The following POLR2M variants were observed in gnomAD, a reference collection of about 807,000 sequenced individuals.
The protein encoded by POLR2M is protein GRINL1A.
POLR2M carries 30 observed loss-of-function variants against 34.6 expected under a neutral mutation model. The ratio of observed to expected loss-of-function variants is 0.87; its 90% CI spans 0.65 to 1.18. The LOEUF is 1.18. POLR2M is among the 50% of genes most tolerant of loss of function. The pLI, the probability that POLR2M is intolerant of heterozygous loss-of-function variation, is 0.00. For missense variants in POLR2M, 432 were observed against 448.7 expected (o/e 0.96, Z 0.34); for synonymous variants, 150 against 166.7 (o/e 0.90, Z 0.77).
rs1470495976 is a variant in POLR2M, at chr15:57,715,943, T to C, written c.*1264T>C. ...CCCCCTCAAGCAAATGTGAAAAGTATACTGACCTAAGATTCTCATTAGTTT... is the reference window on the plus strand; with the variant it reads ...CCCCCTCAAGCAAATGTGAAAAGTACACTGACCTAAGATTCTCATTAGTTT... On this transcript the variant is annotated 3_prime_UTR_variant, in exon 4 of 4. Coordinates refer to ENST00000299638, the MANE Select transcript of POLR2M (RefSeq NM_015532.5). 1.3e-5 allele frequency: 2 copies of C among 152,418 alleles called. No individual in the cohort carries two copies. The highest frequency in any genetic ancestry group is 4.8e-5 in the African/African-American group (2 of 41,606). 9.4% of individuals were successfully genotyped at this position (152,418 alleles called of 1,614,324 possible). A position where few individuals can be genotyped will look rare whatever the true frequency, so the allele number is the denominator to read the frequency against.
At chr15:57,707,910 A>G (rs1393019598) in intron 1 of POLR2M, among the ~76,000 whole-genome samples, 1 of 152,236 alleles carries the variant, frequency 6.6e-6, no homozygotes, top group Non-Finnish European at 1.5e-5. Context: ...TGTAGTGTCA[A>G]AAAGAACAGA....
Position 57,712,053 on chromosome 15 carries a change from G to A in POLR2M, c.828G>A (p.Glu276=). 6.2e-7 allele frequency: 1 copy of A among 1,614,098 alleles called. No individual in the cohort carries two copies. Among genetic ancestry groups the A allele is most frequent in the Non-Finnish European group, 8.5e-7 (1 of 1,179,980 alleles). Residue 276 remains glutamate, a synonymous_variant, in exon 3 of 4, where the codon GAG becomes GAA. Coordinates refer to ENST00000299638, the MANE Select transcript of POLR2M (RefSeq NM_015532.5). ...GTGGGTCTCCTATTTCCTCAGAAGA[G>A]CGGCGGCGCAGGGATAAGCAGCATC... ...QKSGSPISSE[E]RRRRDKQHLD...
rs755299851 is a variant in POLR2M, at chr15:57,708,864, A to T, written c.264A>T (p.Ala88=). ...TAGACTGTAAGCTAAGGCAAAAAGC[A>T]ATTGCAGAAGTTGATGTGGGTACAG... ...VSLDCKLRQK[A]IAEVDVGTDK... The change falls in exon 2 of 4, where the codon GCA becomes GCT. Residue 88 remains alanine, a synonymous_variant. Transcript: ENST00000299638. The T allele has an allele frequency of 6.2e-7, 1 of 1,613,920 alleles. No homozygotes were observed. The highest frequency in any genetic ancestry group is 8.5e-7 in the Non-Finnish European group (1 of 1,179,898).
chr15:57,715,668 C>T lies in POLR2M; in HGVS notation c.*989C>T, dbSNP rs529750864. On this transcript the variant is annotated 3_prime_UTR_variant, in exon 4 of 4. Transcript: ENST00000299638. ...TATATAGACTGCAGAAGCTTCAGTC[C>T]CATATATAAACGTTCATGTCATTTT... is the stretch of plus-strand genomic sequence containing the variant. 8 of 152,072 alleles carry T rather than the reference C, an allele frequency of 5.3e-5. No individual in the cohort carries two copies. The East Asian group carries it at 9.7e-4, about 18-fold the overall frequency. The allele number at this position is 152,072 out of a possible 1,614,324, so 9.4% of individuals were successfully genotyped here.
chr15:57,711,953 G>C (rs1555470695), intron 2 of POLR2M, 31 bp from the exon 3 acceptor site: 1 of 1,611,602 alleles, frequency 6.2e-7, no homozygotes, highest in Admixed American at 1.7e-5. Context: ...AAAATAATCT[G>C]ATTGTATAAC....
intron 1 of POLR2M, among the ~76,000 whole-genome samples, chr15:57,708,309 A>T (rs535395125): frequency 6.6e-6 from 1 of 152,344 alleles, no homozygotes; most frequent in South Asian, 2.1e-4. Flanking sequence ...AGAAAATGAG[A>T]GGGAAATAAT....
chr15:57,706,827 C>T lies in POLR2M; in HGVS notation c.-16C>T, dbSNP rs1373304773. ...AGCCGAGTGCCCGCCGCCGCGCCAG[C>T]CTCAGCCCGCGCAGAATGTGCTCGC... On this transcript the variant is annotated 5_prime_UTR_variant, in exon 1 of 4. Transcript: ENST00000299638. The T allele has an allele frequency of 9.0e-6, 14 of 1,552,668 alleles. No homozygotes were observed. Among genetic ancestry groups the T allele is most frequent in the African/African-American group, 1.4e-5 (1 of 73,284 alleles).
In POLR2M at chr15:57,709,361, A is replaced by G. The variant is rs1369182394; in HGVS notation, c.758+3A>G. 3 of 1,607,494 alleles carry G rather than the reference A, an allele frequency of 1.9e-6. No homozygotes were observed. Among genetic ancestry groups the G allele is most frequent in the Admixed American group, 3.4e-5 (2 of 59,044 alleles). On this transcript the variant is annotated splice_donor_region_variant and intron_variant, in intron 2 of 3. Transcript: ENST00000299638. The stretch of plus-strand genomic sequence containing the variant: ...CTGCGTAAATTTAAAACCAATGTGT[A>G]AGTACCCTCGGAAACAGGCCTGTAA...
At chr15:57,708,613 T>A in intron 1 of POLR2M, 101 bp from the exon 2 acceptor site, 1 of 1,127,272 alleles carries the variant, frequency 8.9e-7, no homozygotes, top group Non-Finnish European at 1.2e-6. Context: ...GACTTAAAAA[T>A]CAGCTTTTCT....
At position 57,709,083 on chromosome 15, in the gene POLR2M, G is replaced by T. The variant is rs778399942; in HGVS notation, c.483G>T (p.Arg161Ser). Residue 161 changes from arginine to serine, a missense_variant, in exon 2 of 4, where the codon AGG becomes AGT. Coordinates refer to ENST00000299638, the MANE Select transcript of POLR2M (RefSeq NM_015532.5). ...GCCCAGCTTCCAGCAATAGAGACAGGGTACCACCTTCATCTGAAGCTAGTG... is the reference window on the plus strand; with the variant it reads ...GCCCAGCTTCCAGCAATAGAGACAGTGTACCACCTTCATCTGAAGCTAGTG... ...NKGPASSNRD[R>S]VPPSSEASEH... 1 of 1,614,136 alleles carries T rather than the reference G, an allele frequency of 6.2e-7. No individual in the cohort carries two copies. Among genetic ancestry groups the T allele is most frequent in the East Asian group, 2.2e-5 (1 of 44,874 alleles).
At position 57,706,882 on chromosome 15, in the gene POLR2M, G is replaced by A. The variant is rs1441196656; in HGVS notation, c.40G>A (p.Glu14Lys). The A allele has an allele frequency of 3.1e-6, 5 of 1,595,602 alleles. No homozygotes were observed. The African/African-American group carries it at 6.7e-5, about 21-fold the overall frequency. Residue 14 changes from glutamate to lysine, a missense_variant, in exon 1 of 4, where the codon GAG (glutamate) becomes AAG (lysine). Glu to Lys is a moderately conservative substitution (Grantham distance 56, BLOSUM62 1). Transcript: ENST00000299638. ...CCGCGGCTTCGAGCCCCAAGCTCCC[G>A]AGGACTTGGCGCAGCGGAGTTTGGT... ...LPRGFEPQAP[E>K]DLAQRSLVEL...
chr15:57,714,761 T>G lies in POLR2M; in HGVS notation c.*82T>G. On this transcript the variant is annotated 3_prime_UTR_variant, in exon 4 of 4. Transcript: ENST00000299638. Reference sequence around the variant, plus strand: ...AACTAGTATCAAGATCAGTGTCAGATATTGTTGAGGGAAGTAATTTTATAA... The same window carrying G: ...AACTAGTATCAAGATCAGTGTCAGAGATTGTTGAGGGAAGTAATTTTATAA... 1 of 1,546,964 alleles carries G rather than the reference T, an allele frequency of 6.5e-7. No individual in the cohort carries two copies. The highest frequency in any genetic ancestry group is 1.2e-5 in the South Asian group (1 of 81,132).
At chr15:57,712,728 G>C in intron 3 of POLR2M, among the ~76,000 whole-genome samples, 1 of 152,142 alleles carries the variant, frequency 6.6e-6, no homozygotes, top group South Asian at 2.1e-4. Context: ...TCCTGCTTTT[G>C]GCAGCTTAAT....
rs1261945681 is a variant in POLR2M, at chr15:57,716,815, A to T, written c.*2136A>T. ...TTAACATAGTTTGTGGTATTTCAGT[A>T]TAGAAGTTGTTTTCTTTAGGAGTCT... On this transcript the variant is annotated 3_prime_UTR_variant, in exon 4 of 4. Transcript: ENST00000299638. 1 of 152,210 alleles carries T rather than the reference A, an allele frequency of 6.6e-6. No homozygotes were observed. Among genetic ancestry groups the T allele is most frequent in the Non-Finnish European group, 1.5e-5 (1 of 68,040 alleles). The allele number at this position is 152,210 out of a possible 1,614,324, so 9.4% of individuals were successfully genotyped here.
Position 57,708,922 on chromosome 15 carries a change from A to G in POLR2M, c.322A>G (p.Thr108Ala). The change falls in exon 2 of 4, where the codon ACT (threonine) becomes GCT (alanine). Residue 108 changes from threonine (T) to alanine (A), a missense_variant. By Grantham distance (58) the Thr-to-Ala change is moderately conservative (BLOSUM62 0). Coordinates refer to ENST00000299638, the MANE Select transcript of POLR2M (RefSeq NM_015532.5). ...KAQNSDPILD[T>A]SSLVPGCSSV... The stretch of plus-strand genomic sequence containing the variant: ...CCAGAATTCTGACCCGATACTTGAT[A>G]CTTCATCACTAGTTCCTGGATGTTC... 5 of 1,614,098 alleles carry G rather than the reference A, an allele frequency of 3.1e-6. No homozygotes were observed. Among genetic ancestry groups the G allele is most frequent in the Middle Eastern group, 3.3e-4 (2 of 6,060 alleles).
chr15:57,707,012 C>T lies in POLR2M; in HGVS notation c.113+57C>T, dbSNP rs772562988. The T allele has an allele frequency of 5.2e-6, 8 of 1,552,012 alleles. No individual in the cohort carries two copies. In the African/African-American group the frequency reaches 6.8e-5, roughly 13 times the overall value. On this transcript the variant is annotated intron_variant, in intron 1 of 3. Coordinates refer to ENST00000299638, the MANE Select transcript of POLR2M (RefSeq NM_015532.5). ...GCTCCTTCAGCTCGAGCTCCCTGGG[C>T]GCTCCCCTCCCCTCCCGCACTCTGT... is the stretch of plus-strand genomic sequence containing the variant.
intron 1 of POLR2M, among the ~76,000 whole-genome samples, chr15:57,708,067 T>C (rs1185255825): frequency 6.6e-6 from 1 of 152,240 alleles, no homozygotes; most frequent in Non-Finnish European, 1.5e-5. Flanking sequence ...GAATAGGTTT[T>C]GAATGTATAG....
Position 57,715,772 on chromosome 15 carries a change from A to T in POLR2M, c.*1093A>T, listed in dbSNP as rs1403520690. On this transcript the variant is annotated 3_prime_UTR_variant, in exon 4 of 4. Transcript: ENST00000299638. ...TTTGTCTAATATATTGGAGTCTTTA[A>T]AAGTGTTGAAGAATAAAATATTAAT... The T allele has an allele frequency of 6.6e-6, 1 of 152,260 alleles. No individual in the cohort carries two copies. Among genetic ancestry groups the T allele is most frequent in the African/African-American group, 2.4e-5 (1 of 41,476 alleles). 9.4% of individuals were successfully genotyped at this position (152,260 alleles called of 1,614,324 possible). A position where few individuals can be genotyped will look rare whatever the true frequency, so the allele number is the denominator to read the frequency against.
At position 57,712,048 on chromosome 15, in the gene POLR2M, G is replaced by A. The variant is rs149603270; in HGVS notation, c.823G>A (p.Glu275Lys). 8.7e-5 allele frequency: 140 copies of A among 1,614,070 alleles called. 1 individual carries two copies. The African/African-American group carries it at 1.7e-3, about 20-fold the overall frequency. The change falls in exon 3 of 4, where the codon GAA becomes AAA. Residue 275 changes from glutamate to lysine, a missense_variant. Transcript: ENST00000299638. Reference sequence around the variant, plus strand: ...GAAGAGTGGGTCTCCTATTTCCTCAGAAGAGCGGCGGCGCAGGGATAAGCA... The same window carrying A: ...GAAGAGTGGGTCTCCTATTTCCTCAAAAGAGCGGCGGCGCAGGGATAAGCA... Reference protein sequence around the residue: ...CQKSGSPISSEERRRRDKQHL... With the variant: ...CQKSGSPISSKERRRRDKQHL...
Sources: gnomAD v4.1 joint callset for allele counts (sites outside exome capture counted in the v4.1 genomes callset) on GRCh38, gnomAD v4.1.1 for gene constraint, MANE v1.5 for transcripts, NCBI Gene and HGNC (gene_info 2026-07-23, HGNC 2026-07-21) for gene names.